The following DLGAP4 variants were observed in gnomAD, a reference collection of about 807,000 sequenced individuals.
DLGAP4 encodes the protein DLG associated protein 4.
A neutral mutation model predicts 86.9 loss-of-function variants in DLGAP4; 18 were observed. That is an observed-to-expected ratio of 0.21 (90% CI 0.14 to 0.31). The LOEUF (loss-of-function observed/expected upper bound fraction) is 0.31. DLGAP4 is among the 10% of genes least tolerant of loss of function. The pLI, the probability that DLGAP4 is intolerant of heterozygous loss-of-function variation, is 1.00. For missense variants in DLGAP4, 1,085 were observed against 1,362.6 expected (o/e 0.80, Z 3.21); for synonymous variants, 548 against 574.3 (o/e 0.95, Z 0.65).
chr20:36,458,725 A>T (rs1039744117), intron 7 of DLGAP4, among the ~76,000 whole-genome samples: 3 of 152,132 alleles, frequency 2.0e-5, no homozygotes, highest in Non-Finnish European at 4.4e-5. Context: ...AGAAAAAGAA[A>T]AAAAGACTAC....
intron 10 of DLGAP4, among the ~76,000 whole-genome samples, chr20:36,518,091 G>A (rs2037149401): frequency 6.6e-6 from 1 of 152,190 alleles, no homozygotes; most frequent in Admixed American, 6.5e-5. Flanking sequence ...ATGATGGCGG[G>A]TGCCTGTAAT....
At chr20:36,522,080 C>T (rs1003598268) in intron 10 of DLGAP4, among the ~76,000 whole-genome samples, 3 of 152,164 alleles carry the variant, frequency 2.0e-5, no homozygotes, top group Non-Finnish European at 4.4e-5. Flanking sequence ...CCTCACAGTG[C>T]AGGACCTCCC....
chr20:36,376,114 T>G (rs1012248280), intron 2 of DLGAP4, among the ~76,000 whole-genome samples: 1 of 151,976 alleles, frequency 6.6e-6, no homozygotes, highest in African/African-American at 2.4e-5. Context: ...TCCTCCTGCC[T>G]TGGCCTCCCG....
chr20:36,431,944 A>C lies in DLGAP4; in HGVS notation c.227A>C (p.Tyr76Ser), dbSNP rs1341210492. The change falls in exon 3 of 13, where the codon TAC (tyrosine) becomes TCC (serine). Residue 76 changes from tyrosine to serine, a missense_variant. By Grantham distance (144) the Tyr-to-Ser change is moderately radical. This residue lies in a region of DLGAP4 where 1,082 missense variants were observed against 1,344.1 expected (regional missense o/e 0.81). Transcript: ENST00000339266. This position sits in a 1 kb window ranked among gnomAD's most constrained non-coding sequence, Gnocchi z 5.1. ...PPSSTFPRIH[Y>S]NSHFEVPEES... is the part of the protein sequence containing the mutation. ...AGCAGCACCTTTCCCCGCATCCACT[A>C]CAACTCCCACTTCGAGGTGCCAGAG... 1 of 1,613,986 alleles carries C rather than the reference A, an allele frequency of 6.2e-7. No individual in the cohort carries two copies.
At chr20:36,464,011 C>T (rs563985027) in intron 7 of DLGAP4, among the ~76,000 whole-genome samples, 9 of 152,192 alleles carry the variant, frequency 5.9e-5, no homozygotes, top group Non-Finnish European at 1.3e-4. Context: ...TTATCACCTG[C>T]CCCTGGTGTA....
At chr20:36,485,562 G>A (rs762426952) in intron 7 of DLGAP4, among the ~76,000 whole-genome samples, 11 of 152,122 alleles carry the variant, frequency 7.2e-5, no homozygotes, top group Non-Finnish European at 2.9e-5. Flanking sequence ...CTAAGGCCCA[G>A]AAGGGACTCA....
intron 7 of DLGAP4, chr20:36,461,757 C>CCGCG: frequency 1.9e-6 from 1 of 530,636 alleles, no homozygotes; most frequent in Non-Finnish European, 2.3e-6. Context: ...GTCCGCCCGC[C>CCGCG]CGCCCGCCCG....
intron 1 of DLGAP4, among the ~76,000 whole-genome samples, chr20:36,343,669 A>T (rs957846872): frequency 6.6e-6 from 1 of 152,006 alleles, no homozygotes; most frequent in African/African-American, 2.4e-5. Context: ...CTGTGTCTGC[A>T]CGCATGCATG....
In DLGAP4 at chr20:36,349,289, G is replaced by A. The variant is rs567668008; in HGVS notation, c.-303-17756G>A. Among the ~76,000 whole-genome samples, 7 of 151,612 alleles carry A rather than the reference G, an allele frequency of 4.6e-5. No homozygotes were observed. In the South Asian group the frequency reaches 1.5e-3, roughly 32 times the overall value. ...AAAAAATAGCCAGGCGTGGTGGCAG[G>A]CGCCTGTAGTCCCAGCTACTCGGGA... On this transcript the variant is annotated intron_variant, in intron 1 of 12. Coordinates refer to ENST00000339266, the MANE Select transcript of DLGAP4 (RefSeq NM_001365621.2).
At chr20:36,309,969 G>A (rs1035780584) in intron 1 of DLGAP4, among the ~76,000 whole-genome samples, 6 of 152,150 alleles carry the variant, frequency 3.9e-5, no homozygotes, top group South Asian at 2.1e-4. Context: ...AAGGACATGC[G>A]CTGAGCAGGG....
intron 1 of DLGAP4, among the ~76,000 whole-genome samples, chr20:36,318,111 C>CACAT (rs1446012043): frequency 1.8e-3 from 12 of 6,548 alleles, no homozygotes; most frequent in African/African-American, 2.0e-3. Context: ...TCCTCTCACA[C>CACAT]ACACACACAC....
At chr20:36,415,624 G>A (rs937639154) in intron 2 of DLGAP4, among the ~76,000 whole-genome samples, 2 of 152,170 alleles carry the variant, frequency 1.3e-5, no homozygotes, top group Non-Finnish European at 2.9e-5. Flanking sequence ...TGAGGACACT[G>A]GGGCTCAGGG....
At position 36,346,969 on chromosome 20, in the gene DLGAP4, G is replaced by A. The variant is rs117409325; in HGVS notation, c.-303-20076G>A. Among the ~76,000 whole-genome samples, 7 of 152,284 alleles carry A rather than the reference G, an allele frequency of 4.6e-5. No individual in the cohort carries two copies. The East Asian group carries it at 1.2e-3, about 25-fold the overall frequency. Reference sequence around the variant, plus strand: ...TGGTGGAAACTTGGGCAGCACACTGGGGACATTTGAGAGAACATTGACAGG... The same window carrying A: ...TGGTGGAAACTTGGGCAGCACACTGAGGACATTTGAGAGAACATTGACAGG... On this transcript the variant is annotated intron_variant, in intron 1 of 12. Coordinates refer to ENST00000339266, the MANE Select transcript of DLGAP4 (RefSeq NM_001365621.2).
chr20:36,340,779 CG>C (rs1569462880), intron 1 of DLGAP4, among the ~76,000 whole-genome samples: 1 of 152,324 alleles, frequency 6.6e-6, no homozygotes, highest in Non-Finnish European at 1.5e-5. Flanking sequence ...CCTGGTCCCT[CG>C]GGGGGCTGTC....
intron 7 of DLGAP4, among the ~76,000 whole-genome samples, chr20:36,448,443 C>T (rs1384196033): frequency 6.6e-6 from 1 of 152,218 alleles, no homozygotes. Flanking sequence ...CTCTGGCAAG[C>T]TAGTTCGCCT....
intron 8 of DLGAP4, chr20:36,499,350 T>TACCCCCCCCCC: frequency 6.5e-7 from 1 of 1,544,996 alleles, no homozygotes; most frequent in Non-Finnish European, 8.8e-7. Flanking sequence ...CTCCACCCCA[T>TACCCCCCCCCC]CCCACCTCCC....
At chr20:36,353,203 G>C (rs1399986164) in intron 1 of DLGAP4, among the ~76,000 whole-genome samples, 1 of 152,192 alleles carries the variant, frequency 6.6e-6, no homozygotes, top group Non-Finnish European at 1.5e-5. Flanking sequence ...GAGAAAGCTG[G>C]GCCTGCAGAG....
intron 1 of DLGAP4, among the ~76,000 whole-genome samples, chr20:36,329,006 C>T (rs1464154029): frequency 2.6e-5 from 4 of 152,124 alleles, no homozygotes; most frequent in African/African-American, 9.7e-5. Flanking sequence ...GAACTCCTGA[C>T]CTTGTGATCT....
intron 10 of DLGAP4, among the ~76,000 whole-genome samples, chr20:36,509,469 G>A (rs537513402): frequency 6.6e-6 from 1 of 152,238 alleles, no homozygotes; most frequent in East Asian, 1.9e-4. Context: ...TACTCGGGAG[G>A]CTGAGGCAGG....
Sources: gnomAD v4.1 joint callset for allele counts (sites outside exome capture counted in the v4.1 genomes callset) on GRCh38, gnomAD v4.1.1 for gene constraint, gnomAD v4.1.1 regional missense constraint, Gnocchi (gnomAD v3.1) non-coding constraint, MANE v1.5 for transcripts, NCBI Gene and HGNC (gene_info 2026-07-23, HGNC 2026-07-21) for gene names.